SHISA9: variants seen among roughly 807,000 people sequenced by gnomAD.
The protein encoded by SHISA9 is shisa family member 9, also known as protein shisa-9.
A neutral mutation model predicts 38.0 loss-of-function variants in SHISA9; 13 were observed. The ratio of observed to expected loss-of-function variants is 0.34; its 90% CI spans 0.22 to 0.54. SHISA9 has a LOEUF of 0.54. SHISA9 is among the 20% of genes least tolerant of loss of function. SHISA9 has a pLI of 0.91. For synonymous variants in SHISA9, 275 were observed against 242.0 expected (o/e 1.14, Z -1.27); for missense variants, 538 against 575.8 (o/e 0.93, Z 0.67).
the SHISA9 span, among the ~76,000 whole-genome samples, chr16:13,415,775 T>C: frequency 6.6e-6 from 1 of 150,988 alleles, no homozygotes; most frequent in Non-Finnish European, 1.5e-5. Context: ...ATCTAAAGAT[T>C]TGATTTAATT....
chr16:13,294,667 T>A, the SHISA9 span, among the ~76,000 whole-genome samples: 1 of 152,212 alleles, frequency 6.6e-6, no homozygotes, highest in African/African-American at 2.4e-5. Context: ...CCCAAGGCAC[T>A]GTTATCCTTA....
At chr16:12,970,392 T>TATATATATACACAC (rs1567357003) in intron 2 of SHISA9, among the ~76,000 whole-genome samples, 1 of 9,652 alleles carries the variant, frequency 1.0e-4, no homozygotes, top group African/African-American at 3.1e-4. Context: ...CATATATGTA[T>TATATATATACACAC]ATATATATAT....
chr16:13,440,131 G>A, the SHISA9 span, among the ~76,000 whole-genome samples: 2 of 152,166 alleles, frequency 1.3e-5, no homozygotes, highest in Non-Finnish European at 1.5e-5. Context: ...GCAGTCAAAT[G>A]CCCCCACAGA....
intron 2 of SHISA9, among the ~76,000 whole-genome samples, chr16:12,944,939 C>A (rs2071669514): frequency 6.6e-6 from 1 of 152,166 alleles, no homozygotes; most frequent in East Asian, 1.9e-4. Context: ...CATCCAGTTA[C>A]AACCATGGGC....
chr16:13,389,121 C>T, the SHISA9 span, among the ~76,000 whole-genome samples: 1 of 152,152 alleles, frequency 6.6e-6, no homozygotes, highest in Non-Finnish European at 1.5e-5. Context: ...TGGTGTTGTA[C>T]ATTCTGAGGG....
chr16:13,413,757 CAAAAAAAAAAAAAAAAA>C, the SHISA9 span, among the ~76,000 whole-genome samples: 2 of 52,924 alleles, frequency 3.8e-5, no homozygotes, highest in African/African-American at 1.6e-4. Context: ...GACTTCATCT[CAAAAAAAAAAAAAAAAA>C]AAAAAAAAAA....
At chr16:13,123,408 C>T (rs1451041470) in intron 2 of SHISA9, among the ~76,000 whole-genome samples, 3 of 152,086 alleles carry the variant, frequency 2.0e-5, no homozygotes, top group South Asian at 2.1e-4. Context: ...AGTGGCTGCT[C>T]GATGGGAAAT....
rs1402266320 is a variant in SHISA9 at position 13,237,834 on chromosome 16, G to T, written c.*2425G>T. The T allele has an allele frequency of 6.6e-6, 1 of 152,032 alleles. No individual in the cohort carries two copies. The highest frequency in any genetic ancestry group is 1.9e-4 in the East Asian group (1 of 5,180). 9.4% of individuals were successfully genotyped at this position (152,032 alleles called of 1,614,324 possible). The stretch of plus-strand genomic sequence containing the variant: ...GAGTCAAGTAAATACCACTGGGCAT[G>T]GTCAGAGTTTCCTTGACGTTAATGA... On this transcript the variant is annotated 3_prime_UTR_variant, in exon 5 of 5. Coordinates refer to ENST00000558583, the MANE Select transcript of SHISA9 (RefSeq NM_001145204.3).
Position 13,088,593 on chromosome 16 carries a change from A to G in SHISA9, c.692-114801A>G, listed in dbSNP as rs562295929. On this transcript the variant is annotated intron_variant, in intron 2 of 4. Coordinates refer to ENST00000558583, the MANE Select transcript of SHISA9 (RefSeq NM_001145204.3). ...TTGTAGCAGTTGTGAATGGGAGTTC[A>G]CTCATGATTTGGTTGTCTGTCTGTT... Among the ~76,000 whole-genome samples the G allele has an allele frequency of 6.6e-5, 10 of 152,116 alleles. No individual in the cohort carries two copies. In the South Asian group the frequency reaches 2.1e-3, roughly 32 times the overall value.
At chr16:13,538,667 G>T in the SHISA9 span, among the ~76,000 whole-genome samples, 1 of 152,140 alleles carries the variant, frequency 6.6e-6, no homozygotes, top group African/African-American at 2.4e-5. Context: ...AGATGAAAAA[G>T]CTATAATAAA....
At chr16:13,402,976 G>A in the SHISA9 span, among the ~76,000 whole-genome samples, 2 of 152,144 alleles carry the variant, frequency 1.3e-5, no homozygotes, top group Non-Finnish European at 2.9e-5. Flanking sequence ...AAATTAGCTA[G>A]GTGTGGTGGC....
intron 2 of SHISA9, among the ~76,000 whole-genome samples, chr16:13,027,667 T>A (rs1242372986): frequency 6.6e-6 from 1 of 151,876 alleles, no homozygotes; most frequent in Non-Finnish European, 1.5e-5. Flanking sequence ...AAGCAGGCAC[T>A]GAAGAGTGTA....
intron 2 of SHISA9, among the ~76,000 whole-genome samples, chr16:13,030,544 C>T (rs549715033): frequency 1.8e-4 from 28 of 152,320 alleles, no homozygotes; most frequent in African/African-American, 6.5e-4. Flanking sequence ...AAGAACCTGT[C>T]TGTACTCAAA....
the SHISA9 span, among the ~76,000 whole-genome samples, chr16:13,250,111 C>A: frequency 6.6e-6 from 1 of 152,194 alleles, no homozygotes; most frequent in Non-Finnish European, 1.5e-5. Flanking sequence ...TGGAGGATAT[C>A]TAATCTGCTA....
chr16:13,136,879 G>A (rs563524104), intron 2 of SHISA9, among the ~76,000 whole-genome samples: 1 of 152,228 alleles, frequency 6.6e-6, no homozygotes, highest in South Asian at 2.1e-4. Context: ...AAGATGAGAA[G>A]GATTTCCTCT....
At chr16:13,342,025 T>C in the SHISA9 span, among the ~76,000 whole-genome samples, 4 of 152,188 alleles carry the variant, frequency 2.6e-5, no homozygotes, top group Non-Finnish European at 4.4e-5. Context: ...TTCTGCCTGC[T>C]AAATAGTTCC....
At chr16:13,143,244 A>AGG (rs1030957114) in intron 2 of SHISA9, among the ~76,000 whole-genome samples, 1 of 152,066 alleles carries the variant, frequency 6.6e-6, no homozygotes, top group Non-Finnish European at 1.5e-5. Context: ...TCCTGACCTA[A>AGG]GGTGATCAAC....
chr16:13,370,177 G>T, the SHISA9 span, among the ~76,000 whole-genome samples: 2 of 152,214 alleles, frequency 1.3e-5, no homozygotes. Flanking sequence ...CATGGGTTTT[G>T]TCTGTTTTTA....
chr16:13,387,025 G>A, the SHISA9 span, among the ~76,000 whole-genome samples: 1 of 152,106 alleles, frequency 6.6e-6, no homozygotes, highest in Non-Finnish European at 1.5e-5. Context: ...ATCTATAAAC[G>A]ATTCTGTGCC....
Sources: gnomAD v4.1 joint callset for allele counts (sites outside exome capture counted in the v4.1 genomes callset) on GRCh38, gnomAD v4.1.1 for gene constraint, MANE v1.5 for transcripts, NCBI Gene and HGNC (gene_info 2026-07-23, HGNC 2026-07-21) for gene names.